RORA: variants seen among roughly 807,000 people sequenced by gnomAD.
RORA encodes the protein RAR related orphan receptor A, also known as nuclear receptor ROR-alpha.
In RORA, 7 loss-of-function variants were observed where a neutral mutation model predicts 69.5. The observed-to-expected ratio is 0.10, with a 90% CI of 0.06 to 0.19. The LOEUF (loss-of-function observed/expected upper bound fraction) is 0.19. Among genes scored for constraint, RORA ranks in the 10% least tolerant of loss-of-function variants. RORA has a pLI of 1.00. For missense variants in RORA, 457 were observed against 663.0 expected (o/e 0.69, Z 3.41); for synonymous variants, 261 against 240.8 (o/e 1.08, Z -0.78).
chr15:60,855,805 C>T (rs1012092261), intron 1 of RORA, among the ~76,000 whole-genome samples: 5 of 152,084 alleles, frequency 3.3e-5, no homozygotes, highest in African/African-American at 7.2e-5. Context: ...TCAGTAGAGA[C>T]GGGGTTTCAC....
At position 60,490,616 on chromosome 15, in the gene RORA, C is replaced by T. The variant is rs181714659; in HGVS notation, c.*6839G>A. On this transcript the variant is annotated 3_prime_UTR_variant, in exon 11 of 11. Transcript: ENST00000335670. This position sits in a 1 kb window ranked among gnomAD's most constrained non-coding sequence, Gnocchi z 4.1. ...AATAGTAAATAAGGAATCGATTGCT[C>T]AAGTTGAAGAAAGCAGTAAACAAGA... The T allele has an allele frequency of 6.6e-6, 1 of 152,206 alleles. No homozygotes were observed. The highest frequency in any genetic ancestry group is 1.5e-5 in the Non-Finnish European group (1 of 67,990). 9.4% of individuals were successfully genotyped at this position (152,206 alleles called of 1,614,324 possible).
At chr15:60,947,306 GAA>G (rs1892922304) in intron 1 of RORA, among the ~76,000 whole-genome samples, 1 of 151,930 alleles carries the variant, frequency 6.6e-6, no homozygotes, top group Non-Finnish European at 1.5e-5. Context: ...TGTCTGTGTG[GAA>G]AGAGGTAGAC....
intron 1 of RORA, among the ~76,000 whole-genome samples, chr15:60,906,036 T>C (rs1278059410): frequency 1.3e-5 from 2 of 152,254 alleles, no homozygotes; most frequent in African/African-American, 4.8e-5. Flanking sequence ...GTCTGTGGTA[T>C]ATCCCTTTTA....
At position 60,705,514 on chromosome 15, in the gene RORA, A is replaced by G. The variant is rs2071049172; in HGVS notation, c.167-26828T>C. 2.6e-5 allele frequency among the ~76,000 whole-genome samples: 4 copies of G among 152,350 alleles called. No individual in the cohort carries two copies. The South Asian group carries it at 8.3e-4, about 32-fold the overall frequency. ...TGTAGGGGCAAAAGGCCGTAAAATG[A>G]ACAAACTTAGAACTGTAGAGCTGTC... On this transcript the variant is annotated intron_variant, in intron 1 of 10. Transcript: ENST00000335670.
chr15:61,138,414 T>C (rs956726579), intron 1 of RORA, among the ~76,000 whole-genome samples: 1 of 152,162 alleles, frequency 6.6e-6, no homozygotes, highest in African/African-American at 2.4e-5. Context: ...CTTCATACAA[T>C]ATAAAAACCT....
chr15:61,158,550 A>C (rs2079465921), intron 1 of RORA, among the ~76,000 whole-genome samples: 1 of 152,188 alleles, frequency 6.6e-6, no homozygotes. Flanking sequence ...TATTGAATAA[A>C]CAATTTTTGA....
intron 2 of RORA, among the ~76,000 whole-genome samples, chr15:60,583,883 G>A (rs541991682): frequency 1.2e-4 from 18 of 152,282 alleles, no homozygotes; most frequent in African/African-American, 4.1e-4. Context: ...GGTTAGCCCC[G>A]AGCAGTGGTT....
At chr15:61,205,517 C>T (rs1044530889) in intron 1 of RORA, among the ~76,000 whole-genome samples, 2 of 152,234 alleles carry the variant, frequency 1.3e-5, no homozygotes, top group South Asian at 2.1e-4. Context: ...TCTAGTCAGC[C>T]GGAAGTCAGC....
At chr15:60,890,426 G>A (rs141223352) in intron 1 of RORA, among the ~76,000 whole-genome samples, 104 of 152,296 alleles carry the variant, frequency 6.8e-4, no homozygotes, top group South Asian at 3.3e-3. Context: ...GAGGTGTACC[G>A]CTTGTCCACA....
At chr15:60,662,223 A>G (rs982501380) in intron 2 of RORA, among the ~76,000 whole-genome samples, 2 of 152,226 alleles carry the variant, frequency 1.3e-5, no homozygotes, top group African/African-American at 4.8e-5. Context: ...GCCACCACTA[A>G]TCTCCTACTT....
intron 3 of RORA, among the ~76,000 whole-genome samples, chr15:60,523,700 C>T (rs1011094425): frequency 1.2e-4 from 18 of 152,188 alleles, no homozygotes; most frequent in East Asian, 3.8e-4. Flanking sequence ...TTTAGAGATA[C>T]GGTCTCTGTC....
chr15:60,757,343 C>T (rs2071817879), intron 1 of RORA, among the ~76,000 whole-genome samples: 1 of 152,154 alleles, frequency 6.6e-6, no homozygotes, highest in Non-Finnish European at 1.5e-5. Context: ...CACAGCCAGC[C>T]AACCAGCTAT....
intron 2 of RORA, among the ~76,000 whole-genome samples, chr15:60,557,247 C>A (rs1182402141): frequency 6.6e-6 from 1 of 152,178 alleles, no homozygotes; most frequent in Non-Finnish European, 1.5e-5. Context: ...TATAGTCATA[C>A]CTAAAATTAA....
chr15:60,653,623 A>C (rs577746069), intron 2 of RORA, among the ~76,000 whole-genome samples: 5 of 152,268 alleles, frequency 3.3e-5, no homozygotes, highest in East Asian at 1.9e-4. Context: ...CAAAAAGATT[A>C]AATAACCTGC....
intron 1 of RORA, among the ~76,000 whole-genome samples, chr15:60,903,933 C>G (rs950285264): frequency 2.0e-5 from 3 of 152,090 alleles, no homozygotes; most frequent in African/African-American, 7.3e-5. Flanking sequence ...TCATATACGA[C>G]GTATAAAGTA....
Position 60,496,411 on chromosome 15 carries a change from T to G in RORA, c.*1044A>C, listed in dbSNP as rs935764701. On this transcript the variant is annotated 3_prime_UTR_variant, in exon 11 of 11. Coordinates refer to ENST00000335670, the MANE Select transcript of RORA (RefSeq NM_134261.3). This position sits in a 1 kb window ranked among gnomAD's most constrained non-coding sequence, Gnocchi z 4.5. ...ACTACTGAATTGTGTAAAATGAGCT[T>G]CTCCTCCCCCTCGCCTCCATGAGGT... 2 of 151,796 alleles carry G rather than the reference T, an allele frequency of 1.3e-5. No individual in the cohort carries two copies. Among genetic ancestry groups the G allele is most frequent in the Non-Finnish European group, 2.9e-5 (2 of 67,984 alleles). The allele number at this position is 151,796 out of a possible 1,614,324, so 9.4% of individuals were successfully genotyped here.
rs2079364693 is a variant in RORA at position 61,147,896 on chromosome 15, A to G, written c.166+81157T>C. On this transcript the variant is annotated intron_variant, in intron 1 of 10. Transcript: ENST00000335670. This position sits in a 1 kb window ranked among gnomAD's most constrained non-coding sequence, Gnocchi z 4.1. ...CAGGCAGAAACTTGGCAGGGCAGGA[A>G]CAAGGATAGTTCATCCAGAATTACC... is the stretch of plus-strand genomic sequence containing the variant. 6.6e-6 allele frequency among the ~76,000 whole-genome samples: 1 copy of G among 152,200 alleles called. No homozygotes were observed. The highest frequency in any genetic ancestry group is 1.5e-5 in the Non-Finnish European group (1 of 68,028).
chr15:60,855,422 A>C (rs919225430), intron 1 of RORA, among the ~76,000 whole-genome samples: 1 of 152,214 alleles, frequency 6.6e-6, no homozygotes, highest in Non-Finnish European at 1.5e-5. Context: ...AGACAAGACC[A>C]GAGCAGTATT....
chr15:60,878,185 A>AAAAT (rs2073639646), intron 1 of RORA, among the ~76,000 whole-genome samples: 1 of 149,054 alleles, frequency 6.7e-6, no homozygotes, highest in Non-Finnish European at 1.5e-5. Flanking sequence ...AAAAAAAAAA[A>AAAAT]AAAAAAAAAT....
Sources: allele counts gnomAD v4.1 joint callset (sites outside exome capture counted in the v4.1 genomes callset), GRCh38; gene constraint gnomAD v4.1.1; non-coding constraint Gnocchi (gnomAD v3.1); transcripts MANE v1.5; gene names NCBI Gene and HGNC (gene_info 2026-07-23, HGNC 2026-07-21).